Variants in VEPH1 observed in about 807,000 individuals in gnomAD.
VEPH1 encodes the protein ventricular zone expressed PH domain containing 1, also known as ventricular zone-expressed PH domain-containing protein homolog 1.
VEPH1 carries 80 observed loss-of-function variants against 85.2 expected under a neutral mutation model. That is an observed-to-expected ratio of 0.94 (90% CI 0.78 to 1.13). VEPH1 has a LOEUF of 1.13. Among genes scored for constraint, VEPH1 ranks in the 50% most tolerant of loss-of-function variants. The probability of loss-of-function intolerance (pLI) is 0.00; values close to 1 mark genes in which losing one functional copy is unlikely to be tolerated. For synonymous variants in VEPH1, 297 were observed against 348.0 expected (o/e 0.85, Z 1.63); for missense variants, 955 against 980.5 (o/e 0.97, Z 0.35).
At chr3:157,325,735 T>C (rs1439312538) in intron 9 of VEPH1, among the ~76,000 whole-genome samples, 1 of 152,204 alleles carries the variant, frequency 6.6e-6, no homozygotes, top group Non-Finnish European at 1.5e-5. Flanking sequence ...CTGTTTGGGT[T>C]ACTGTAGCCT....
chr3:157,463,846 A>G (rs1577718601), intron 3 of VEPH1, among the ~76,000 whole-genome samples: 2 of 152,222 alleles, frequency 1.3e-5, no homozygotes, highest in South Asian at 4.1e-4. Flanking sequence ...TCATGGGCAC[A>G]AAATCAGGTC....
In VEPH1 at chr3:157,495,228, A is replaced by T. The variant is rs1222001372; in HGVS notation, c.122T>A (p.Ile41Lys). Residue 41 changes from isoleucine (I) to lysine (K), a missense_variant, in exon 2 of 14, where the codon ATA (isoleucine) becomes AAA (lysine). Ile to Lys is a moderately radical substitution (Grantham distance 102). Coordinates refer to ENST00000362010, the MANE Select transcript of VEPH1 (RefSeq NM_001167912.2). ...TTTACTTACTGAAGATGAGCTAATT[A>T]TCTTAATTTGCTCCAAAGCTTCTGT... ...SLTEALEQIKIISSSSDYQTN... is the reference protein window; with the variant it reads ...SLTEALEQIKKISSSSDYQTN... 1 of 1,613,978 alleles carries T rather than the reference A, an allele frequency of 6.2e-7. No individual in the cohort carries two copies. The highest frequency in any genetic ancestry group is 1.1e-5 in the South Asian group (1 of 91,066).
intron 12 of VEPH1, among the ~76,000 whole-genome samples, chr3:157,271,598 G>A (rs1559912810): frequency 6.6e-6 from 1 of 152,158 alleles, no homozygotes; most frequent in Non-Finnish European, 1.5e-5. Flanking sequence ...TCGACCCTCG[G>A]TGTCCAAGCA....
intron 9 of VEPH1, among the ~76,000 whole-genome samples, chr3:157,354,569 T>G (rs965438581): frequency 6.6e-6 from 1 of 152,134 alleles, no homozygotes; most frequent in Non-Finnish European, 1.5e-5. Flanking sequence ...CAAAATCACT[T>G]CAGTAGAGAG....
chr3:157,501,636 C>A (rs1047019396), intron 1 of VEPH1, among the ~76,000 whole-genome samples: 1 of 152,134 alleles, frequency 6.6e-6, no homozygotes, highest in Non-Finnish European at 1.5e-5. Context: ...GACTTAATCG[C>A]CACACTATTG....
At chr3:157,426,419 G>C (rs1732759384) in intron 5 of VEPH1, among the ~76,000 whole-genome samples, 1 of 152,154 alleles carries the variant, frequency 6.6e-6, no homozygotes, top group Admixed American at 6.5e-5. Flanking sequence ...GAAAATGGGA[G>C]CCTAGAAGTC....
chr3:157,437,461 A>T (rs1733692742), intron 4 of VEPH1: 2 of 1,562,976 alleles, frequency 1.3e-6, no homozygotes, highest in Non-Finnish European at 1.7e-6. Flanking sequence ...TACAAAGCAC[A>T]TCCAAGGCAG....
intron 12 of VEPH1, among the ~76,000 whole-genome samples, chr3:157,265,939 GA>G (rs1713580814): frequency 6.6e-6 from 1 of 151,320 alleles, no homozygotes; most frequent in South Asian, 2.1e-4. Flanking sequence ...AGTTTATCTG[GA>G]TATTTAGCTT....
At chr3:157,422,673 T>C (rs1732435885) in intron 5 of VEPH1, among the ~76,000 whole-genome samples, 1 of 152,194 alleles carries the variant, frequency 6.6e-6, no homozygotes, top group South Asian at 2.1e-4. Context: ...CCTCAATCCT[T>C]TCCAAAATTG....
At chr3:157,437,398 G>A in intron 4 of VEPH1, 1 of 1,275,354 alleles carries the variant, frequency 7.8e-7, no homozygotes, top group Non-Finnish European at 1.1e-6. Context: ...TTAAAGGGAA[G>A]GGGAATGCCA....
At chr3:157,440,206 A>G (rs1479071651) in intron 4 of VEPH1, among the ~76,000 whole-genome samples, 1 of 152,242 alleles carries the variant, frequency 6.6e-6, no homozygotes, top group Non-Finnish European at 1.5e-5. Context: ...AATTTTAAAA[A>G]ATCTTCAAAA....
intron 9 of VEPH1, among the ~76,000 whole-genome samples, chr3:157,322,300 A>G (rs778455407): frequency 1.3e-5 from 2 of 152,120 alleles, no homozygotes; most frequent in Non-Finnish European, 2.9e-5. Context: ...TCATTTCTTT[A>G]TTAAAGCTGA....
intron 2 of VEPH1, among the ~76,000 whole-genome samples, chr3:157,480,721 C>T (rs553812216): frequency 2.0e-5 from 3 of 152,184 alleles, no homozygotes; most frequent in Non-Finnish European, 2.9e-5. Flanking sequence ...AGGTTGATTC[C>T]ATGTCTTTGC....
chr3:157,384,917 C>T (rs1729132490), intron 6 of VEPH1, among the ~76,000 whole-genome samples: 1 of 152,168 alleles, frequency 6.6e-6, no homozygotes, highest in African/African-American at 2.4e-5. Flanking sequence ...GTAGGGTCAG[C>T]ACCTGTAAGC....
chr3:157,353,790 C>A (rs1024816290), intron 9 of VEPH1, among the ~76,000 whole-genome samples: 1 of 152,012 alleles, frequency 6.6e-6, no homozygotes, highest in African/African-American at 2.4e-5. Context: ...TATCATACAT[C>A]TTTTCCCACT....
chr3:157,376,123 C>T (rs1044152295), intron 7 of VEPH1, among the ~76,000 whole-genome samples: 2 of 152,134 alleles, frequency 1.3e-5, no homozygotes, highest in African/African-American at 4.8e-5. Flanking sequence ...ATCATCCTCT[C>T]TCCCTATCTT....
At chr3:157,494,635 A>T (rs1440641118) in intron 2 of VEPH1, among the ~76,000 whole-genome samples, 1 of 152,202 alleles carries the variant, frequency 6.6e-6, no homozygotes, top group Non-Finnish European at 1.5e-5. Flanking sequence ...GGGAGTAGGG[A>T]TGCAGGTGGG....
chr3:157,460,831 G>A (rs1577711145), intron 3 of VEPH1, among the ~76,000 whole-genome samples: 1 of 152,086 alleles, frequency 6.6e-6, no homozygotes, highest in Admixed American at 6.6e-5. Flanking sequence ...CTGAAGTGTG[G>A]TATGTGTGAG....
chr3:157,477,286 C>T (rs1357542808), intron 2 of VEPH1, among the ~76,000 whole-genome samples: 1 of 151,832 alleles, frequency 6.6e-6, no homozygotes, highest in Non-Finnish European at 1.5e-5. Flanking sequence ...TCACTTCAAC[C>T]TCTGCTTTTA....
Sources: allele counts gnomAD v4.1 joint callset (sites outside exome capture counted in the v4.1 genomes callset), GRCh38; gene constraint gnomAD v4.1.1; transcripts MANE v1.5; gene names NCBI Gene and HGNC (gene_info 2026-07-23, HGNC 2026-07-21).